CDH12: variants seen among roughly 807,000 people sequenced by gnomAD.
The protein encoded by CDH12 is cadherin-12.
In CDH12, 41 loss-of-function variants were observed where a neutral mutation model predicts 74.1. The ratio of observed to expected loss-of-function variants is 0.55; its 90% CI spans 0.43 to 0.72. The LOEUF (loss-of-function observed/expected upper bound fraction) is 0.72. Ranked by LOEUF, CDH12 falls within the 30% of genes least tolerant of loss-of-function variation. The pLI, the probability that CDH12 is intolerant of heterozygous loss-of-function variation, is 0.00. For missense variants in CDH12, 945 were observed against 977.2 expected (o/e 0.97, Z 0.44); for synonymous variants, 399 against 355.0 (o/e 1.12, Z -1.39).
chr5:21,878,574 C>CA (rs55681202), intron 6 of CDH12, among the ~76,000 whole-genome samples: 15,663 of 119,592 alleles, frequency 0.13, 1,345 homozygotes, highest in African/African-American at 0.25. Context: ...ACCAAAAATA[C>CA]AAAAAAAAAA....
intron 1 of CDH12, among the ~76,000 whole-genome samples, chr5:22,850,446 C>G (rs1361225430): frequency 6.6e-6 from 1 of 151,918 alleles, no homozygotes; most frequent in Non-Finnish European, 1.5e-5. Flanking sequence ...AATACATTTT[C>G]ATTTATTTAA....
At chr5:22,126,665 C>A (rs948990454) in intron 4 of CDH12, among the ~76,000 whole-genome samples, 5 of 152,134 alleles carry the variant, frequency 3.3e-5, no homozygotes, top group Admixed American at 3.3e-4. Context: ...TTCCAGAATG[C>A]ATCCTATTCA....
At chr5:22,147,007 T>C (rs1341271768) in intron 4 of CDH12, among the ~76,000 whole-genome samples, 1 of 152,158 alleles carries the variant, frequency 6.6e-6, no homozygotes, top group Non-Finnish European at 1.5e-5. Flanking sequence ...TAAATGTATA[T>C]ACAGACACAT....
intron 6 of CDH12, among the ~76,000 whole-genome samples, chr5:21,906,611 T>C (rs950420742): frequency 2.6e-5 from 4 of 152,162 alleles, no homozygotes; most frequent in African/African-American, 9.7e-5. Context: ...CAAAAGGAGA[T>C]ATTAATTTTT....
intron 1 of CDH12, among the ~76,000 whole-genome samples, chr5:22,611,484 G>A (rs1413013291): frequency 6.6e-6 from 1 of 152,046 alleles, no homozygotes; most frequent in East Asian, 1.9e-4. Context: ...CAGTCTCTAA[G>A]TTTGAGAAGT....
At chr5:22,032,965 A>C (rs1215018990) in intron 5 of CDH12, among the ~76,000 whole-genome samples, 1 of 151,178 alleles carries the variant, frequency 6.6e-6, no homozygotes, top group Non-Finnish European at 1.5e-5. Flanking sequence ...GAAAATAAGA[A>C]ACATTTTCCC....
At chr5:22,219,090 G>A (rs560581995) in intron 3 of CDH12, among the ~76,000 whole-genome samples, 3 of 151,614 alleles carry the variant, frequency 2.0e-5, no homozygotes, top group African/African-American at 7.2e-5. Context: ...ATTACCTTTT[G>A]ACATACATAT....
intron 1 of CDH12, among the ~76,000 whole-genome samples, chr5:22,762,275 T>C (rs949104909): frequency 3.9e-5 from 6 of 152,036 alleles, no homozygotes; most frequent in African/African-American, 7.2e-5. Context: ...GGAGAAGAAG[T>C]AATAATAATT....
At position 21,930,439 on chromosome 5, in the gene CDH12, G is replaced by A. The variant is rs1428680788; in HGVS notation, c.526+44652C>T. 2.0e-5 allele frequency among the ~76,000 whole-genome samples: 3 copies of A among 152,112 alleles called. 1 individual carries two copies. The highest frequency in any genetic ancestry group is 1.5e-5 in the Non-Finnish European group (1 of 68,002). The stretch of plus-strand genomic sequence containing the variant: ...GTAATACAATATCCATATTTGCCAG[G>A]GACAATCTTGATTTACAGTCATTTC... On this transcript the variant is annotated intron_variant, in intron 6 of 14. Coordinates refer to ENST00000382254, the MANE Select transcript of CDH12 (RefSeq NM_004061.5).
chr5:22,791,440 T>A (rs1278772750), intron 1 of CDH12, among the ~76,000 whole-genome samples: 1 of 152,206 alleles, frequency 6.6e-6, no homozygotes, highest in Non-Finnish European at 1.5e-5. Context: ...CACTGCCACC[T>A]GATAATTCAA....
chr5:22,306,484 T>C (rs561191525), intron 3 of CDH12, among the ~76,000 whole-genome samples: 6 of 152,196 alleles, frequency 3.9e-5, no homozygotes, highest in Non-Finnish European at 8.8e-5. Context: ...CAGAGGTTTT[T>C]AAACAACCCA....
intron 1 of CDH12, among the ~76,000 whole-genome samples, chr5:22,509,243 C>G: frequency 6.6e-6 from 1 of 152,132 alleles, no homozygotes; most frequent in East Asian, 1.9e-4. Context: ...TCCCTTCAGA[C>G]TAGGACTACT....
intron 11 of CDH12, among the ~76,000 whole-genome samples, chr5:21,765,474 A>T (rs1351332767): frequency 2.0e-5 from 3 of 151,866 alleles, no homozygotes; most frequent in African/African-American, 7.3e-5. Context: ...TGGATGATCT[A>T]CATATTTAAA....
At chr5:22,457,297 CA>C (rs1745317083) in intron 2 of CDH12, among the ~76,000 whole-genome samples, 1 of 152,082 alleles carries the variant, frequency 6.6e-6, no homozygotes, top group African/African-American at 2.4e-5. Context: ...AGTCTGAAAT[CA>C]AGGTGTCAGG....
At chr5:22,125,305 C>T (rs1180860170) in intron 4 of CDH12, among the ~76,000 whole-genome samples, 1 of 152,088 alleles carries the variant, frequency 6.6e-6, no homozygotes, top group Non-Finnish European at 1.5e-5. Flanking sequence ...GTTCCCCTCC[C>T]TGTGTCCATT....
intron 5 of CDH12, among the ~76,000 whole-genome samples, chr5:22,071,846 G>A (rs948587511): frequency 6.6e-6 from 1 of 152,086 alleles, no homozygotes; most frequent in Non-Finnish European, 1.5e-5. Flanking sequence ...TAAAACAGAA[G>A]TCAGAAATCT....
At chr5:21,805,855 C>T (rs554718156) in intron 9 of CDH12, among the ~76,000 whole-genome samples, 1 of 152,266 alleles carries the variant, frequency 6.6e-6, no homozygotes, top group African/African-American at 2.4e-5. Context: ...ACTAATTTAT[C>T]TCTTGCACAA....
Position 22,711,362 on chromosome 5 carries a change from A to G in CDH12, c.-523+141696T>C, listed in dbSNP as rs118127995. Among the ~76,000 whole-genome samples the G allele has an allele frequency of 6.6e-5, 10 of 152,240 alleles. No homozygotes were observed. In the East Asian group the frequency reaches 1.9e-3, roughly 29 times the overall value. Reference sequence around the variant, plus strand: ...GTTAATATGAAGTCACAGGGCATAGACATAGTTCTAGAGATTGCTTACCAC... The same window carrying G: ...GTTAATATGAAGTCACAGGGCATAGGCATAGTTCTAGAGATTGCTTACCAC... On this transcript the variant is annotated intron_variant, in intron 1 of 14. Coordinates refer to ENST00000382254, the MANE Select transcript of CDH12 (RefSeq NM_004061.5).
rs570474233 is a variant in CDH12, at chr5:22,332,940, A to G, written c.-333+72317T>C. 2.6e-5 allele frequency among the ~76,000 whole-genome samples: 4 copies of G among 152,312 alleles called. No individual in the cohort carries two copies. In the South Asian group the frequency reaches 8.3e-4, roughly 32 times the overall value. On this transcript the variant is annotated intron_variant, in intron 3 of 14. Transcript: ENST00000382254. Reference sequence around the variant, plus strand: ...TCAAGGATCTAGAACCAGAAATATCATTTGACCCAGCAATCTCATGACTGG... The same window carrying G: ...TCAAGGATCTAGAACCAGAAATATCGTTTGACCCAGCAATCTCATGACTGG...
Sources: allele counts gnomAD v4.1 joint callset (sites outside exome capture counted in the v4.1 genomes callset), GRCh38; gene constraint gnomAD v4.1.1; transcripts MANE v1.5; gene names NCBI Gene and HGNC (gene_info 2026-07-23, HGNC 2026-07-21).